KMT5B: variants seen among roughly 807,000 people sequenced by gnomAD.
KMT5B encodes the protein histone-lysine N-methyltransferase KMT5B.
In KMT5B, 10 loss-of-function variants were observed where a neutral mutation model predicts 83.2. That is an observed-to-expected ratio of 0.12 (90% CI 0.07 to 0.20). The LOEUF (loss-of-function observed/expected upper bound fraction) is 0.20. KMT5B is among the 10% of genes least tolerant of loss of function. The pLI, the probability that KMT5B is intolerant of heterozygous loss-of-function variation, is 1.00. For missense variants in KMT5B, 753 were observed against 1,067.2 expected, an observed-to-expected ratio of 0.71 and a Z score of 4.10; for synonymous variants, 349 against 388.8, an observed-to-expected ratio of 0.90 and a Z score of 1.20.
intron 1 of KMT5B, among the ~76,000 whole-genome samples, chr11:68,192,061 G>T (rs1398192596): frequency 6.6e-6 from 1 of 152,170 alleles, no homozygotes; most frequent in African/African-American, 2.4e-5. Context: ...CAGGTTAGTG[G>T]CCTAGGAGCA....
chr11:68,197,704 T>C (rs1321201950), intron 1 of KMT5B, among the ~76,000 whole-genome samples: 1 of 152,208 alleles, frequency 6.6e-6, no homozygotes. Context: ...TTATTTGAAC[T>C]CAAGGTAATT....
Position 68,197,337 on chromosome 11 carries a change from G to A in KMT5B, c.-76-7185C>T, listed in dbSNP as rs894662147. Among the ~76,000 whole-genome samples the A allele has an allele frequency of 7.9e-5, 12 of 152,158 alleles. No individual in the cohort carries two copies. The South Asian group carries it at 1.4e-3, about 18-fold the overall frequency. On this transcript the variant is annotated intron_variant, in intron 1 of 10. Transcript: ENST00000304363. ...GAGAAAGCAGAAAATTTGGGGATGA[G>A]GCCCAGCAATCTGTGTTGTAGTAAG...
Position 68,156,200 on chromosome 11 carries a change from G to C in KMT5B, c.*1488C>G, listed in dbSNP as rs1859284070. On this transcript the variant is annotated 3_prime_UTR_variant, in exon 11 of 11. Transcript: ENST00000304363. Reference sequence around the variant, plus strand: ...AATCCCCTGAATTGATTTTTACTTAGGAACACTGTATATCAGAAAGTACAG... The same window carrying C: ...AATCCCCTGAATTGATTTTTACTTACGAACACTGTATATCAGAAAGTACAG... 6.6e-6 allele frequency: 1 copy of C among 152,088 alleles called. No homozygotes were observed. Among genetic ancestry groups the C allele is most frequent in the Non-Finnish European group, 1.5e-5 (1 of 68,010 alleles). 9.4% of individuals were successfully genotyped at this position (152,088 alleles called of 1,614,324 possible).
intron 1 of KMT5B, among the ~76,000 whole-genome samples, chr11:68,196,110 C>T (rs1461553548): frequency 6.6e-6 from 1 of 152,134 alleles, no homozygotes; most frequent in Non-Finnish European, 1.5e-5. Context: ...TGAGCCAAGA[C>T]TGCACCACTG....
intron 10 of KMT5B, among the ~76,000 whole-genome samples, chr11:68,160,050 C>T (rs7130844): frequency 0.66 from 101,070 of 152,142 alleles, 34,160 homozygotes; most frequent in East Asian, 0.89. Context: ...TGAGAATGAG[C>T]GTATTCTTAT....
At chr11:68,209,417 A>G (rs1317051661) in intron 1 of KMT5B, among the ~76,000 whole-genome samples, 3 of 152,184 alleles carry the variant, frequency 2.0e-5, no homozygotes, top group African/African-American at 7.2e-5. Context: ...CATAAGGGGA[A>G]AAAAAGTTAA....
At chr11:68,179,225 T>C (rs1856676098) in intron 4 of KMT5B, among the ~76,000 whole-genome samples, 1 of 75,228 alleles carries the variant, frequency 1.3e-5, no homozygotes. Flanking sequence ...AAATTTCGTA[T>C]TTGGGTGGGG....
chr11:68,157,766 T>C lies in KMT5B; in HGVS notation c.2580A>G (p.Leu860=). Residue 860 remains leucine (L), a synonymous_variant, in exon 11 of 11, where the codon TTA becomes TTG. Transcript: ENST00000304363. ...IPLPPAKRLR[L]IVGKDSIDID... ...TATCTATAGAGTCTTTTCCAACTAT[T>C]AACCTCAAGCGCTTAGCTGGAGGAA... The C allele has an allele frequency of 6.2e-7, 1 of 1,613,948 alleles. No homozygotes were observed. The highest frequency in any genetic ancestry group is 8.5e-7 in the Non-Finnish European group (1 of 1,179,956).
At chr11:68,203,541 A>C (rs2153086071) in intron 1 of KMT5B, among the ~76,000 whole-genome samples, 1 of 152,252 alleles carries the variant, frequency 6.6e-6, no homozygotes, top group East Asian at 1.9e-4. Context: ...GATGAGGCCA[A>C]TAAAAGAAGC....
chr11:68,157,502 A>T lies in KMT5B; in HGVS notation c.*186T>A. On this transcript the variant is annotated 3_prime_UTR_variant, in exon 11 of 11. Transcript: ENST00000304363. ...CACGTAAGAAGGCTATTTAAAAAGTACGATAAAAATTTGCACAAATCAGAC... is the reference window on the plus strand; with the variant it reads ...CACGTAAGAAGGCTATTTAAAAAGTTCGATAAAAATTTGCACAAATCAGAC... 1 of 835,720 alleles carries T rather than the reference A, an allele frequency of 1.2e-6. No individual in the cohort carries two copies. Among genetic ancestry groups the T allele is most frequent in the Non-Finnish European group, 1.6e-6 (1 of 616,206 alleles). The allele number at this position is 835,720 out of a possible 1,614,324, so 51.8% of individuals were successfully genotyped here.
chr11:68,194,060 A>T (rs1858409418), intron 1 of KMT5B, among the ~76,000 whole-genome samples: 1 of 152,190 alleles, frequency 6.6e-6, no homozygotes, highest in Non-Finnish European at 1.5e-5. Context: ...GATCCCCAGC[A>T]GTTTTGCCTA....
chr11:68,190,078 C>G lies in KMT5B; in HGVS notation c.-2G>C. The G allele has an allele frequency of 6.2e-7, 1 of 1,613,256 alleles. No homozygotes were observed. Among genetic ancestry groups the G allele is most frequent in the Non-Finnish European group, 8.5e-7 (1 of 1,179,572 alleles). ...CTTGGATTCTCCCAACCACTTCATACCCACAGACAGCCTGACCCAGGTGCA... is the reference window on the plus strand; with the variant it reads ...CTTGGATTCTCCCAACCACTTCATAGCCACAGACAGCCTGACCCAGGTGCA... On this transcript the variant is annotated 5_prime_UTR_variant, in exon 2 of 11. Transcript: ENST00000304363.
intron 10 of KMT5B, among the ~76,000 whole-genome samples, chr11:68,163,213 C>T (rs1342540478): frequency 6.6e-6 from 1 of 152,182 alleles, no homozygotes; most frequent in African/African-American, 2.4e-5. Context: ...ACATTCTTCT[C>T]AGCAATTACT....
chr11:68,200,589 G>T (rs191521995), intron 1 of KMT5B, among the ~76,000 whole-genome samples: 1 of 152,296 alleles, frequency 6.6e-6, no homozygotes. Context: ...GGCCAGAAAA[G>T]ACAAATGTAA....
rs951546614 is a variant in KMT5B, at chr11:68,198,364, G to C, written c.-76-8212C>G. On this transcript the variant is annotated intron_variant, in intron 1 of 10. Coordinates refer to ENST00000304363, the MANE Select transcript of KMT5B (RefSeq NM_017635.5). ...GTGCCACTGCACTCCATCCAGCCTGGGCGACACAGCAAGACTGTGAAAAGA... is the reference window on the plus strand; with the variant it reads ...GTGCCACTGCACTCCATCCAGCCTGCGCGACACAGCAAGACTGTGAAAAGA... Among the ~76,000 whole-genome samples, 6 of 152,134 alleles carry C rather than the reference G, an allele frequency of 3.9e-5. No homozygotes were observed. The South Asian group carries it at 1.0e-3, about 26-fold the overall frequency.
At chr11:68,199,177 T>C (rs1482596685) in intron 1 of KMT5B, among the ~76,000 whole-genome samples, 2 of 152,214 alleles carry the variant, frequency 1.3e-5, no homozygotes, top group African/African-American at 4.8e-5. Context: ...CCAGACACTG[T>C]TGCAGGCACT....
intron 2 of KMT5B, among the ~76,000 whole-genome samples, chr11:68,189,453 G>A (rs1857803265): frequency 6.6e-6 from 1 of 152,194 alleles, no homozygotes; most frequent in African/African-American, 2.4e-5. Context: ...GATTTGTGAG[G>A]CTGCCCTAAA....
chr11:68,176,423 A>G (rs1856383877), intron 4 of KMT5B: 1 of 152,210 alleles, frequency 6.6e-6, no homozygotes, highest in Admixed American at 6.5e-5. Flanking sequence ...CAATTTCATA[A>G]AGCTAATTCT....
At chr11:68,186,241 C>T (rs137882782) in intron 2 of KMT5B, among the ~76,000 whole-genome samples, 6 of 152,176 alleles carry the variant, frequency 3.9e-5, no homozygotes, top group South Asian at 2.1e-4. Context: ...CACTGAGAAA[C>T]GGGACGGGAG....
Sources: gnomAD v4.1 joint callset for allele counts (sites outside exome capture counted in the v4.1 genomes callset) on GRCh38, gnomAD v4.1.1 for gene constraint, MANE v1.5 for transcripts, NCBI Gene and HGNC (gene_info 2026-07-23, HGNC 2026-07-21) for gene names.